Variants in SEC61G observed in about 807,000 individuals in gnomAD.
SEC61G encodes SEC61 translocon subunit gamma, also known as protein transport protein Sec61 subunit gamma.
SEC61G carries 4 observed loss-of-function variants against 7.5 expected under a neutral mutation model. That is an observed-to-expected ratio of 0.54 (90% CI 0.26 to 1.22). The LOEUF (loss-of-function observed/expected upper bound fraction) is 1.22, where lower values mean the gene tolerates loss of function less well. Among genes scored for constraint, SEC61G ranks in the 50% most tolerant of loss-of-function variants. The pLI, the probability that SEC61G is intolerant of heterozygous loss-of-function variation, is 0.12. For synonymous variants in SEC61G, 24 were observed against 24.4 expected (o/e 0.98, Z 0.05); for missense variants, 53 against 84.6 (o/e 0.63, Z 1.46).
At position 54,755,770 on chromosome 7, in the gene SEC61G, T is replaced by C. The variant is rs1562769307; in HGVS notation, c.197+9A>G. 2.8e-6 allele frequency: 4 copies of C among 1,431,482 alleles called. No homozygotes were observed. The highest frequency in any genetic ancestry group is 3.9e-6 in the Non-Finnish European group (4 of 1,036,566). 88.7% of individuals were successfully genotyped at this position (1,431,482 alleles called of 1,614,324 possible). A position where few individuals can be genotyped will look rare whatever the true frequency, so the allele number is the denominator to read the frequency against. ...TTCAATCCTAGTCTATTTCATAAAG[T>C]TTACTTACACAATGATGTTATTAAT... On this transcript the variant is annotated intron_variant, in intron 3 of 3. Transcript: ENST00000352861.
chr7:54,755,752 C>T, intron 3 of SEC61G, 27 bp downstream of exon 3: 1 of 1,271,714 alleles, frequency 7.9e-7, no homozygotes, highest in South Asian at 1.4e-5. Context: ...TCATTCAATC[C>T]TAGTCTATTT....
chr7:54,753,457 G>A (rs1442175998), intron 3 of SEC61G, among the ~76,000 whole-genome samples: 1 of 151,290 alleles, frequency 6.6e-6, no homozygotes, highest in African/African-American at 2.4e-5. Flanking sequence ...GCTATACTTA[G>A]AAAAAAAAGA....
At chr7:54,756,967 ATATATACTATATAC>A (rs67352168) in intron 2 of SEC61G, among the ~76,000 whole-genome samples, 4 of 147,150 alleles carry the variant, frequency 2.7e-5, no homozygotes, top group Non-Finnish European at 6.0e-5. Context: ...ACTATATACT[ATATATACTATATAC>A]TATATACTAT....
intron 3 of SEC61G, 42 bp from the exon 4 acceptor site, chr7:54,752,462 G>C (rs1583713170): frequency 7.8e-7 from 1 of 1,274,008 alleles, no homozygotes; most frequent in African/African-American, 1.5e-5. Context: ...GCATAGATAA[G>C]ATTTTAATAA....
At position 54,752,429 on chromosome 7, in the gene SEC61G, G is replaced by C; in HGVS notation, c.198-9C>G. ...AATGTATTCAGCCACCACTGTAAAA[G>C]AAAGAAAAATTATTACTTCTGAGCA... On this transcript the variant is annotated splice_polypyrimidine_tract_variant and intron_variant, in intron 3 of 3. Transcript: ENST00000352861. 5 of 1,495,932 alleles carry C rather than the reference G, an allele frequency of 3.3e-6. No individual in the cohort carries two copies. Among genetic ancestry groups the C allele is most frequent in the Non-Finnish European group, 4.6e-6 (5 of 1,096,078 alleles). 92.7% of individuals were successfully genotyped at this position (1,495,932 alleles called of 1,614,324 possible). A position where few individuals can be genotyped will look rare whatever the true frequency, so the allele number is the denominator to read the frequency against.
At chr7:54,754,954 A>T (rs909297573) in intron 3 of SEC61G, 3 of 152,146 alleles carry the variant, frequency 2.0e-5, no homozygotes, top group Non-Finnish European at 4.4e-5. Flanking sequence ...TATTACCTCC[A>T]AACAGTGGAT....
intron 3 of SEC61G, among the ~76,000 whole-genome samples, chr7:54,754,034 C>T (rs1467348642): frequency 6.6e-6 from 1 of 152,072 alleles, no homozygotes; most frequent in African/African-American, 2.4e-5. Context: ...GAGAGACATA[C>T]AATATAAATA....
At chr7:54,755,367 T>C (rs981246736) in intron 3 of SEC61G, 2 of 152,888 alleles carry the variant, frequency 1.3e-5, no homozygotes, top group African/African-American at 4.8e-5. Flanking sequence ...AGCTACTGCA[T>C]AACAAGAAAA....
intron 3 of SEC61G, among the ~76,000 whole-genome samples, chr7:54,752,837 C>T (rs1313827086): frequency 2.0e-5 from 3 of 152,202 alleles, no homozygotes; most frequent in Non-Finnish European, 4.4e-5. Context: ...CTGCATCTTA[C>T]CATAATCATT....
Position 54,757,445 on chromosome 7 carries a change from G to C in SEC61G, c.94+50C>G, listed in dbSNP as rs562803342. On this transcript the variant is annotated intron_variant, in intron 2 of 3. Transcript: ENST00000352861. ...AATCAAGATGTTAATCAAACAAAAG[G>C]CTTAGAAAATGCAAAGATTTAATTT... 66 of 1,438,852 alleles carry C rather than the reference G, an allele frequency of 4.6e-5. No individual in the cohort carries two copies. In the South Asian group the frequency reaches 6.0e-4, roughly 13 times the overall value. 89.1% of individuals were successfully genotyped at this position (1,438,852 alleles called of 1,614,324 possible). A position where few individuals can be genotyped will look rare whatever the true frequency, so the allele number is the denominator to read the frequency against.
At chr7:54,754,665 C>G in intron 3 of SEC61G, 1 of 151,868 alleles carries the variant, frequency 6.6e-6, no homozygotes, top group Non-Finnish European at 1.5e-5. Context: ...TGTACCAGTA[C>G]CTGGGATAAA....
intron 3 of SEC61G, 134 bp from the exon 4 acceptor site, chr7:54,752,554 G>A (rs1791435798): frequency 3.9e-6 from 2 of 517,720 alleles, no homozygotes; most frequent in Non-Finnish European, 6.7e-6. Context: ...TTCATCTAAA[G>A]ATGGCATAAA....
intron 3 of SEC61G, among the ~76,000 whole-genome samples, chr7:54,752,950 C>T (rs1185315262): frequency 6.6e-6 from 1 of 152,144 alleles, no homozygotes; most frequent in African/African-American, 2.4e-5. Flanking sequence ...GTCAGATATA[C>T]ATTTTAGTAA....
rs771597848 is a variant in SEC61G at position 54,755,759 on chromosome 7, A to G, written c.197+20T>C. 9.7e-6 allele frequency: 13 copies of G among 1,337,070 alleles called. No homozygotes were observed. In the African/African-American group the frequency reaches 1.9e-4, roughly 20 times the overall value. The allele number at this position is 1,337,070 out of a possible 1,614,324, so 82.8% of individuals were successfully genotyped here. On this transcript the variant is annotated intron_variant, in intron 3 of 3. Transcript: ENST00000352861. ...TTTGAGTTTCATTCAATCCTAGTCT[A>G]TTTCATAAAGTTTACTTACACAATG...
At chr7:54,757,412 G>C (rs1791541209) in intron 2 of SEC61G, 83 bp downstream of exon 2, 1 of 1,054,314 alleles carries the variant, frequency 9.5e-7, no homozygotes, top group African/African-American at 1.6e-5. Flanking sequence ...AGTAATGCAA[G>C]GGCTATTAAT....
At chr7:54,758,741 G>C (rs917115174) in intron 1 of SEC61G, among the ~76,000 whole-genome samples, 3 of 152,180 alleles carry the variant, frequency 2.0e-5, no homozygotes, top group Non-Finnish European at 4.4e-5. Context: ...CTAGACTCTA[G>C]ACCAATGCTC....
chr7:54,753,455 T>C (rs1305389719), intron 3 of SEC61G, among the ~76,000 whole-genome samples: 2 of 151,906 alleles, frequency 1.3e-5, no homozygotes, highest in Non-Finnish European at 2.9e-5. Context: ...TTGCTATACT[T>C]AGAAAAAAAA....
At chr7:54,757,356 G>C in intron 2 of SEC61G, 139 bp downstream of exon 2, 1 of 636,518 alleles carries the variant, frequency 1.6e-6, no homozygotes, top group East Asian at 2.8e-5. Context: ...AAGTGACAAC[G>C]TTAAAAAGCT....
chr7:54,755,774 C>G lies in SEC61G; in HGVS notation c.197+5G>C. The G allele has an allele frequency of 1.4e-6, 2 of 1,454,494 alleles. No homozygotes were observed. The highest frequency in any genetic ancestry group is 1.3e-5 in the South Asian group (1 of 78,516). 90.1% of individuals were successfully genotyped at this position (1,454,494 alleles called of 1,614,324 possible). A position where few individuals can be genotyped will look rare whatever the true frequency, so the allele number is the denominator to read the frequency against. On this transcript the variant is annotated splice_donor_5th_base_variant and intron_variant, in intron 3 of 3. Transcript: ENST00000352861. ...ATCCTAGTCTATTTCATAAAGTTTACTTACACAATGATGTTATTAATAGGA... is the reference window on the plus strand; with the variant it reads ...ATCCTAGTCTATTTCATAAAGTTTAGTTACACAATGATGTTATTAATAGGA...
Sources: gnomAD v4.1 joint callset for allele counts (sites outside exome capture counted in the v4.1 genomes callset) on GRCh38, gnomAD v4.1.1 for gene constraint, MANE v1.5 for transcripts, NCBI Gene and HGNC (gene_info 2026-07-23, HGNC 2026-07-21) for gene names.